The following IL1RAPL2 variants were observed in gnomAD, a reference collection of about 807,000 sequenced individuals.
The protein encoded by IL1RAPL2 is interleukin 1 receptor accessory protein like 2.
A neutral mutation model predicts 44.1 loss-of-function variants in IL1RAPL2; 3 were observed. That is an observed-to-expected ratio of 0.07 (90% confidence interval 0.03 to 0.18). The LOEUF is 0.18. IL1RAPL2 is among the 10% of genes least tolerant of loss of function. The pLI is 1.00. For synonymous variants in IL1RAPL2, 181 were observed against 178.8 expected (o/e 1.01, Z -0.10); for missense variants, 391 against 496.4 (o/e 0.79, Z 2.02).
At chrX:105,351,358 A>G (rs913743421) in intron 5 of IL1RAPL2, among the ~76,000 whole-genome samples, 1 of 111,926 alleles carries the variant, frequency 8.9e-6, no homozygotes, top group Non-Finnish European at 1.9e-5. Context: ...ACTATTCACA[A>G]TAGCAAAGAC....
intron 6 of IL1RAPL2, among the ~76,000 whole-genome samples, chrX:105,648,263 C>G (rs2037620069): frequency 9.0e-6 from 1 of 110,994 alleles, no homozygotes; most frequent in African/African-American, 3.3e-5. Flanking sequence ...TTTCTAGTAC[C>G]CAGAATTGTA....
intron 2 of IL1RAPL2, among the ~76,000 whole-genome samples, chrX:105,061,645 C>G (rs2032076569): frequency 8.9e-6 from 1 of 111,824 alleles, no homozygotes; most frequent in Non-Finnish European, 1.9e-5. Flanking sequence ...GTTGACATCT[C>G]CAGCTATTAA....
intron 2 of IL1RAPL2, among the ~76,000 whole-genome samples, chrX:105,086,517 C>A (rs1224575439): frequency 1.8e-5 from 2 of 110,735 alleles, no homozygotes; most frequent in African/African-American, 6.6e-5. Flanking sequence ...TATAAAGTTT[C>A]AGTTAGATAG....
intron 5 of IL1RAPL2, among the ~76,000 whole-genome samples, chrX:105,402,991 A>T (rs1361075667): frequency 8.9e-6 from 1 of 111,863 alleles, no homozygotes; most frequent in Non-Finnish European, 1.9e-5. Context: ...AATCCTAAAA[A>T]TGTCAAAGGA....
intron 2 of IL1RAPL2, among the ~76,000 whole-genome samples, chrX:104,678,773 A>G (rs183507227): frequency 6.0e-4 from 67 of 111,245 alleles, no homozygotes; most frequent in Non-Finnish European, 1.2e-3. Flanking sequence ...AAGGAGAACA[A>G]GGAGAAAACA....
At position 104,583,135 on chromosome X, in the gene IL1RAPL2, G is replaced by A. The variant is rs761096225; in HGVS notation, c.-20+16084G>A. 3.6e-5 allele frequency among the ~76,000 whole-genome samples: 4 copies of A among 109,679 alleles called. No individual in the cohort carries two copies. The South Asian group carries it at 1.2e-3, about 32-fold the overall frequency. On this transcript the variant is annotated intron_variant, in intron 1 of 10. Transcript: ENST00000372582. ...ACTTCTGACCTCAAGTGATCTGCCTGCCTCAGCCTCCCAAAGTGCTGGGAT... is the reference window on the plus strand; with the variant it reads ...ACTTCTGACCTCAAGTGATCTGCCTACCTCAGCCTCCCAAAGTGCTGGGAT...
chrX:105,747,281 C>CTA (rs1569471323), intron 8 of IL1RAPL2, among the ~76,000 whole-genome samples: 1 of 109,255 alleles, frequency 9.2e-6, no homozygotes, highest in Non-Finnish European at 1.9e-5. Context: ...TTTCCTACCC[C>CTA]TATTCATTGT....
chrX:105,055,061 T>A (rs182178474), intron 2 of IL1RAPL2, among the ~76,000 whole-genome samples: 107 of 112,412 alleles, frequency 9.5e-4, no homozygotes, highest in Non-Finnish European at 1.9e-3. Flanking sequence ...TCTACATAGT[T>A]GTCTTAGTCT....
At chrX:105,241,101 T>C (rs2034167213) in intron 4 of IL1RAPL2, among the ~76,000 whole-genome samples, 1 of 111,577 alleles carries the variant, frequency 9.0e-6, no homozygotes, top group South Asian at 3.8e-4. Flanking sequence ...GTGCTTCCCA[T>C]GTAACTTAAT....
rs2033667681 is a variant in IL1RAPL2 at position 105,195,711 on chromosome X, G to A, written c.319G>A (p.Glu107Lys). The A allele has an allele frequency of 8.3e-7, 1 of 1,211,929 alleles. No homozygotes were observed. Among genetic ancestry groups the A allele is most frequent in the Non-Finnish European group, 1.1e-6 (1 of 895,410 alleles). ...EEDSIWFHSA[E>K]AQDSGFYTCV... ...AGATTCAATATGGTTTCACTCAGCT[G>A]AGGCACAAGACAGTGGATTCTACAC... is the stretch of plus-strand genomic sequence containing the variant. Residue 107 changes from glutamate to lysine, a missense_variant, in exon 3 of 11, where the codon GAG becomes AAG. Around this residue, in one of 2 missense-constraint regions of IL1RAPL2, gnomAD observed 159 missense variants for 251.7 expected, o/e 0.63. Transcript: ENST00000372582.
chrX:105,145,873 T>C (rs748597488), intron 2 of IL1RAPL2, among the ~76,000 whole-genome samples: 2 of 111,811 alleles, frequency 1.8e-5, no homozygotes, highest in East Asian at 5.7e-4. Context: ...AAATCATATG[T>C]TGAAATCCTA....
intron 2 of IL1RAPL2, among the ~76,000 whole-genome samples, chrX:104,898,373 A>C (rs1191179997): frequency 1.8e-5 from 2 of 112,579 alleles, no homozygotes; most frequent in South Asian, 3.7e-4. Flanking sequence ...TAGCATGCTC[A>C]ATGAGAGACA....
intron 2 of IL1RAPL2, among the ~76,000 whole-genome samples, chrX:104,888,215 A>G (rs1923308903): frequency 1.0e-5 from 1 of 97,977 alleles, no homozygotes; most frequent in Non-Finnish European, 2.1e-5. Flanking sequence ...AAGAAAGAAA[A>G]GAGAGAAAGA....
intron 2 of IL1RAPL2, among the ~76,000 whole-genome samples, chrX:105,074,525 C>T (rs1389562065): frequency 9.1e-6 from 1 of 110,383 alleles, no homozygotes; most frequent in Non-Finnish European, 1.9e-5. Context: ...GCAATGCTGG[C>T]TCTTTTTTGG....
intron 2 of IL1RAPL2, among the ~76,000 whole-genome samples, chrX:104,883,370 G>T (rs1281834329): frequency 9.0e-6 from 1 of 111,176 alleles, no homozygotes; most frequent in South Asian, 3.9e-4. Context: ...AGTTGGGAGC[G>T]TTGGTTTGCC....
chrX:105,683,466 T>C (rs1227577502), intron 6 of IL1RAPL2, among the ~76,000 whole-genome samples: 1 of 111,499 alleles, frequency 9.0e-6, no homozygotes, highest in Non-Finnish European at 1.9e-5. Context: ...TCATTGTTGC[T>C]ATCTTTGAAT....
intron 6 of IL1RAPL2, among the ~76,000 whole-genome samples, chrX:105,503,607 C>T (rs926561193): frequency 9.0e-6 from 1 of 111,569 alleles, no homozygotes; most frequent in African/African-American, 3.3e-5. Flanking sequence ...ACATACCCTC[C>T]CTTACCACAT....
chrX:105,364,903 G>A (rs1229533428), intron 5 of IL1RAPL2, among the ~76,000 whole-genome samples: 1 of 111,033 alleles, frequency 9.0e-6, no homozygotes, highest in East Asian at 2.8e-4. Flanking sequence ...TCTTTTTCTT[G>A]CCTAATTGCT....
intron 2 of IL1RAPL2, among the ~76,000 whole-genome samples, chrX:104,766,451 T>C (rs1932556109): frequency 9.0e-6 from 1 of 111,236 alleles, no homozygotes; most frequent in African/African-American, 3.3e-5. Flanking sequence ...CTCTTCTTCC[T>C]TTCCTTCCTA....
Sources: gnomAD v4.1 joint callset for allele counts (sites outside exome capture counted in the v4.1 genomes callset) on GRCh38, gnomAD v4.1.1 for gene constraint, gnomAD v4.1.1 regional missense constraint, MANE v1.5 for transcripts, NCBI Gene and HGNC (gene_info 2026-07-23, HGNC 2026-07-21) for gene names.